Variants in CLK3 observed in about 807,000 individuals in gnomAD.
The protein encoded by CLK3 is CDC like kinase 3, also known as dual specificity protein kinase CLK3.
In CLK3, 24 loss-of-function variants were observed where a neutral mutation model predicts 65.2. That is an observed-to-expected ratio of 0.37 (90% CI 0.27 to 0.52). The LOEUF (loss-of-function observed/expected upper bound fraction) is 0.52, where lower values mean the gene tolerates loss of function less well. Ranked by LOEUF, CLK3 falls within the 20% of genes least tolerant of loss-of-function variation. The pLI is 0.92. For synonymous variants in CLK3, 252 were observed against 240.8 expected, an observed-to-expected ratio of 1.05 and a Z score of -0.43; for missense variants, 506 against 660.0, an observed-to-expected ratio of 0.77 and a Z score of 2.56.
chr15:74,619,933 G>T, intron 2 of CLK3, 76 bp from the exon 3 acceptor site: 1 of 1,601,364 alleles, frequency 6.2e-7, no homozygotes, highest in South Asian at 1.1e-5. Flanking sequence ...GCCCTTTACA[G>T]TGGCCTTACC....
At chr15:74,614,685 C>T (rs34848782), upstream of CLK3, 4,535 of 152,284 alleles carry the variant, frequency 0.03, 99 homozygotes, top group Non-Finnish European at 0.044. Context: ...TCCCCTGCGA[C>T]ACCTCCCCGC....
In CLK3 at chr15:74,629,901, A is replaced by G; in HGVS notation, c.*18A>G. 2 of 1,598,686 alleles carry G rather than the reference A, an allele frequency of 1.3e-6. No individual in the cohort carries two copies. Among genetic ancestry groups the G allele is most frequent in the Non-Finnish European group, 1.7e-6 (2 of 1,172,786 alleles). ...GCAGATGACAGGCACAGGCCACCGC[A>G]TGAGGAGATGGAGGGCGGGACTGGG... is the stretch of plus-strand genomic sequence containing the variant. On this transcript the variant is annotated 3_prime_UTR_variant, in exon 13 of 13. Coordinates refer to ENST00000395066, the MANE Select transcript of CLK3 (RefSeq NM_001130028.2).
Position 74,620,070 on chromosome 15 carries a change from T to C in CLK3, c.214T>C (p.Cys72Arg), listed in dbSNP as rs1477364502. Residue 72 changes from cysteine to arginine, a missense_variant, in exon 3 of 13, where the codon TGT (cysteine) becomes CGT (arginine). This residue lies in a region of CLK3 where 181 missense variants were observed against 159.4 expected (regional missense o/e 1.14). Coordinates refer to ENST00000395066, the MANE Select transcript of CLK3 (RefSeq NM_001130028.2). ...RERRDSDTYR[C>R]EERSPSFGED... Reference sequence around the variant, plus strand: ...GCGCCGTGACAGCGATACATACCGGTGTGAAGAGCGGAGCCCATCCTTTGG... The same window carrying C: ...GCGCCGTGACAGCGATACATACCGGCGTGAAGAGCGGAGCCCATCCTTTGG... 1.2e-6 allele frequency: 2 copies of C among 1,614,148 alleles called. No individual in the cohort carries two copies. Among genetic ancestry groups the C allele is most frequent in the Admixed American group, 3.3e-5 (2 of 60,030 alleles).
rs928009390 is a variant in CLK3 at position 74,622,907 on chromosome 15, T to C, written c.533+347T>C. On this transcript the variant is annotated intron_variant, in intron 5 of 12. Coordinates refer to ENST00000395066, the MANE Select transcript of CLK3 (RefSeq NM_001130028.2). This position sits in a 1 kb window ranked among gnomAD's most constrained non-coding sequence, Gnocchi z 4.6. ...TGGAGCTGCTTCCTGTGATAACTTT[T>C]AGGTTCTTGGCTTAGCAAGGGGCTA... Among the ~76,000 whole-genome samples, 1 of 152,202 alleles carries C rather than the reference T, an allele frequency of 6.6e-6. No individual in the cohort carries two copies. The highest frequency in any genetic ancestry group is 2.4e-5 in the African/African-American group (1 of 41,454).
At chr15:74,619,834 T>G in intron 2 of CLK3, 175 bp from the exon 3 acceptor site, 1 of 994,250 alleles carries the variant, frequency 1.0e-6, no homozygotes, top group Non-Finnish European at 1.4e-6. Flanking sequence ...GACAGGGCTC[T>G]GGAGGGCGGG....
chr15:74,628,073 T>C (rs2062158122), intron 10 of CLK3, 21 bp downstream of exon 10: 1 of 1,539,354 alleles, frequency 6.5e-7, no homozygotes, highest in Non-Finnish European at 9.0e-7. Context: ...CCTGCATTGG[T>C]CCCCTACCCT....
chr15:74,622,498 G>A lies in CLK3; in HGVS notation c.471G>A (p.Glu157=), dbSNP rs2062111742. 1.2e-6 allele frequency: 2 copies of A among 1,612,476 alleles called. No individual in the cohort carries two copies. Among genetic ancestry groups the A allele is most frequent in the Non-Finnish European group, 1.7e-6 (2 of 1,179,292 alleles). Residue 157 remains glutamate (E), a synonymous_variant, in exon 5 of 13, where the codon GAG becomes GAA. Coordinates refer to ENST00000395066, the MANE Select transcript of CLK3 (RefSeq NM_001130028.2). This position sits in a 1 kb window ranked among gnomAD's most constrained non-coding sequence, Gnocchi z 4.6. ...RIGDWLQERY[E]IVGNLGEGTF... ...CCAATTTCTTTTCTCTCCTAGATGA[G>A]ATTGTGGGGAACCTGGGTGAAGGCA...
In CLK3 at chr15:74,619,234, A is replaced by G. The variant is rs575729159; in HGVS notation, c.38A>G (p.Asp13Gly). The G allele has an allele frequency of 1.9e-6, 3 of 1,614,098 alleles. No homozygotes were observed. Among genetic ancestry groups the G allele is most frequent in the Non-Finnish European group, 1.7e-6 (2 of 1,179,992 alleles). Residue 13 changes from aspartate to glycine, a missense_variant, in exon 2 of 13, where the codon GAC (aspartate) becomes GGC (glycine). Around this residue, in one of 2 missense-constraint regions of CLK3, gnomAD observed 181 missense variants for 159.4 expected, o/e 1.14. Transcript: ENST00000395066. ...HCKRYRSPEP[D>G]PYLSYRWKRR... ...AAGCGATACCGCTCCCCTGAACCAG[A>G]CCCGTACCTGAGCTACCGATGGAAG...
At chr15:74,625,605 C>T (rs1050781672) in intron 6 of CLK3, among the ~76,000 whole-genome samples, 197 bp from the exon 7 acceptor site, 2 of 152,160 alleles carry the variant, frequency 1.3e-5, no homozygotes, top group Non-Finnish European at 1.5e-5. Context: ...AGTCCTTGCC[C>T]AGAGCTCATC....
intron 2 of CLK3, among the ~76,000 whole-genome samples, chr15:74,619,801 A>G (rs575912192): frequency 6.6e-6 from 1 of 151,936 alleles, no homozygotes; most frequent in African/African-American, 2.4e-5. Context: ...CCCTCCTCCT[A>G]CAGCTGGAGG....
chr15:74,630,182 AAGTCTTTC>A lies in CLK3; in HGVS notation c.*300_*307del, dbSNP rs2141556520. The A allele has an allele frequency of 6.3e-6, 2 of 315,142 alleles. No individual in the cohort carries two copies. The highest frequency in any genetic ancestry group is 1.2e-4 in the East Asian group (2 of 17,162). The allele number at this position is 315,142 out of a possible 1,614,324, so 19.5% of individuals were successfully genotyped here. A position where few individuals can be genotyped will look rare whatever the true frequency, so the allele number is the denominator to read the frequency against. ...TTCCCCTTACCTGACCTTATTAATAAAGTCTTTCTTAGCAGTTCAGCTTGTGGAGAGCT... is the reference window on the plus strand; with the variant it reads ...TTCCCCTTACCTGACCTTATTAATAATTAGCAGTTCAGCTTGTGGAGAGCT... On this transcript the variant is annotated 3_prime_UTR_variant, in exon 13 of 13. Coordinates refer to ENST00000395066, the MANE Select transcript of CLK3 (RefSeq NM_001130028.2).
Position 74,621,952 on chromosome 15 carries a change from A to G in CLK3, c.370-168A>G. The G allele has an allele frequency of 1.4e-6, 1 of 695,008 alleles. No individual in the cohort carries two copies. Among genetic ancestry groups the G allele is most frequent in the Non-Finnish European group, 2.6e-6 (1 of 378,988 alleles). 43.1% of individuals were successfully genotyped at this position (695,008 alleles called of 1,614,324 possible). A position where few individuals can be genotyped will look rare whatever the true frequency, so the allele number is the denominator to read the frequency against. ...TGTCCCTTGCAATATCCCTATCGTT[A>G]TATATGCTGTGTGCCTTATGAAATG... On this transcript the variant is annotated intron_variant, in intron 3 of 12. Coordinates refer to ENST00000395066, the MANE Select transcript of CLK3 (RefSeq NM_001130028.2). The surrounding 1 kb of genome is among the most constrained non-coding windows in gnomAD (Gnocchi z 4.8).
chr15:74,615,825 A>T, upstream of CLK3: 2 of 1,247,378 alleles, frequency 1.6e-6, no homozygotes, highest in Admixed American at 8.3e-5. Context: ...CCACGGGCGG[A>T]GGTCGCAGCC....
chr15:74,614,292 G>A (rs917523934), upstream of CLK3, among the ~76,000 whole-genome samples: 1 of 152,102 alleles, frequency 6.6e-6, no homozygotes, highest in Admixed American at 6.5e-5. Context: ...GGATTAGAGG[G>A]GTGAACCACC....
Position 74,622,447 on chromosome 15 carries a change from A to G in CLK3, c.467-47A>G, listed in dbSNP as rs1555448443. On this transcript the variant is annotated intron_variant, in intron 4 of 12. Transcript: ENST00000395066. This position sits in a 1 kb window ranked among gnomAD's most constrained non-coding sequence, Gnocchi z 4.6. ...TGCTGTGAACTTGCAGGAGCTGCCAACCCCCTGCCCTCCAGATTCTCATGC... is the reference window on the plus strand; with the variant it reads ...TGCTGTGAACTTGCAGGAGCTGCCAGCCCCCTGCCCTCCAGATTCTCATGC... The G allele has an allele frequency of 5.5e-6, 8 of 1,459,932 alleles. No homozygotes were observed. Among genetic ancestry groups the G allele is most frequent in the Non-Finnish European group, 7.5e-6 (8 of 1,060,162 alleles). 90.4% of individuals were successfully genotyped at this position (1,459,932 alleles called of 1,614,324 possible).
intron 11 of CLK3, 124 bp from the exon 12 acceptor site, chr15:74,628,818 G>T (rs2062166102): frequency 4.0e-6 from 4 of 999,856 alleles, no homozygotes; most frequent in African/African-American, 3.2e-5. Context: ...AGCCTTCCCT[G>T]TGTGCCCCTG....
intron 7 of CLK3, among the ~76,000 whole-genome samples, chr15:74,626,341 C>T (rs888289129): frequency 1.3e-5 from 2 of 152,220 alleles, no homozygotes; most frequent in Non-Finnish European, 2.9e-5. Flanking sequence ...TGGAGACCCT[C>T]GGTCTAACCC....
In CLK3 at chr15:74,628,069, T is replaced by C. The variant is rs755944965; in HGVS notation, c.1125+17T>C. 2.6e-6 allele frequency: 4 copies of C among 1,566,700 alleles called. No homozygotes were observed. Among genetic ancestry groups the C allele is most frequent in the African/African-American group, 1.4e-5 (1 of 73,992 alleles). ...CTCTTCCAGGTACAGCCACCCTGCATTGGTCCCCTACCCTGAGTACTGCTA... is the reference window on the plus strand; with the variant it reads ...CTCTTCCAGGTACAGCCACCCTGCACTGGTCCCCTACCCTGAGTACTGCTA... On this transcript the variant is annotated intron_variant, in intron 10 of 12. Coordinates refer to ENST00000395066, the MANE Select transcript of CLK3 (RefSeq NM_001130028.2).
At chr15:74,619,618 C>T (rs1323428909) in intron 2 of CLK3, among the ~76,000 whole-genome samples, 1 of 152,210 alleles carries the variant, frequency 6.6e-6, no homozygotes, top group Non-Finnish European at 1.5e-5. Flanking sequence ...TTCCGCTTAA[C>T]CTCCTAAGCC....
Sources: allele counts gnomAD v4.1 joint callset (sites outside exome capture counted in the v4.1 genomes callset), GRCh38; gene constraint gnomAD v4.1.1; regional missense constraint gnomAD v4.1.1; non-coding constraint Gnocchi (gnomAD v3.1); transcripts MANE v1.5; gene names NCBI Gene and HGNC (gene_info 2026-07-23, HGNC 2026-07-21).